Variants in CPAP observed in about 807,000 individuals in gnomAD.
The protein encoded by CPAP is centrosomal P4.1-associated protein.
the CPAP span, chr13:24,905,466 T>G: frequency 6.2e-7 from 1 of 1,614,180 alleles, no homozygotes; most frequent in Non-Finnish European, 8.5e-7. Context: ...GGAGGACTTC[T>G]GCTCCTCCTG....
chr13:24,898,191 C>T, the CPAP span, among the ~76,000 whole-genome samples: 2 of 152,182 alleles, frequency 1.3e-5, no homozygotes, highest in East Asian at 3.9e-4. Flanking sequence ...CCACCACCCC[C>T]AGCCAATAGT....
the CPAP span, among the ~76,000 whole-genome samples, chr13:24,922,437 C>T: frequency 6.7e-6 from 1 of 149,790 alleles, no homozygotes; most frequent in Non-Finnish European, 1.5e-5. Flanking sequence ...CGCTACTTCA[C>T]CACCCTGCTC....
the CPAP span, among the ~76,000 whole-genome samples, chr13:24,914,249 C>T: frequency 6.6e-6 from 1 of 152,090 alleles, no homozygotes. Context: ...AAGACCCAGC[C>T]ACCCAGCCTT....
the CPAP span, chr13:24,906,591 C>T: frequency 6.2e-7 from 1 of 1,614,136 alleles, no homozygotes; most frequent in Admixed American, 1.7e-5. Context: ...CTAAACTGCC[C>T]ATCACATTTC....
chr13:24,927,771 T>C, the CPAP span, among the ~76,000 whole-genome samples: 1 of 152,220 alleles, frequency 6.6e-6, no homozygotes, highest in East Asian at 1.9e-4. Context: ...ATCCATTATA[T>C]GGATGACATC....
the CPAP span, among the ~76,000 whole-genome samples, chr13:24,931,799 C>T: frequency 1.3e-5 from 2 of 152,202 alleles, no homozygotes; most frequent in Non-Finnish European, 2.9e-5. Flanking sequence ...CGAACTTTCC[C>T]GAAATTTTCT....
chr13:24,892,604 C>G, the CPAP span: 1 of 1,481,256 alleles, frequency 6.8e-7, no homozygotes, highest in Non-Finnish European at 9.4e-7. Context: ...TATTGAAGCT[C>G]CCCCTGGCCT....
chr13:24,895,928 CAAAAT>C, the CPAP span, among the ~76,000 whole-genome samples: 1 of 152,008 alleles, frequency 6.6e-6, no homozygotes, highest in African/African-American at 2.4e-5. Flanking sequence ...AATGAATACC[CAAAAT>C]AAAATAGTTA....
the CPAP span, chr13:24,903,999 C>T: frequency 6.2e-7 from 1 of 1,613,958 alleles, no homozygotes; most frequent in Non-Finnish European, 8.5e-7. Context: ...TTAAACTTTT[C>T]TATTTCTGTT....
At chr13:24,882,929 T>G in the CPAP span, 1 of 496,472 alleles carries the variant, frequency 2.0e-6, no homozygotes. Context: ...TGTAAAAACC[T>G]GTACACAATT....
the CPAP span, among the ~76,000 whole-genome samples, chr13:24,908,613 T>TACAAG: frequency 6.6e-6 from 1 of 151,428 alleles, no homozygotes; most frequent in South Asian, 2.1e-4. Context: ...TAAAATAAAA[T>TACAAG]AAAGACACTT....
the CPAP span, among the ~76,000 whole-genome samples, chr13:24,918,596 A>G: frequency 3.9e-5 from 6 of 152,118 alleles, no homozygotes; most frequent in African/African-American, 1.5e-4. Flanking sequence ...CTAGAGAAGA[A>G]AAGTTAAGAA....
At chr13:24,908,148 A>G in the CPAP span, 1 of 1,529,342 alleles carries the variant, frequency 6.5e-7, no homozygotes, top group South Asian at 1.1e-5. Flanking sequence ...ATTAAGAACA[A>G]TTTAGCTCAA....
At chr13:24,885,545 A>G in the CPAP span, 5 of 1,339,332 alleles carry the variant, frequency 3.7e-6, no homozygotes, top group Non-Finnish European at 5.4e-6. Flanking sequence ...AAGTCTATTA[A>G]CAAATTGATT....
At chr13:24,908,141 A>C in the CPAP span, 2 of 1,570,440 alleles carry the variant, frequency 1.3e-6, no homozygotes, top group Non-Finnish European at 1.8e-6. Flanking sequence ...GATAAAAATT[A>C]AGAACAATTT....
the CPAP span, among the ~76,000 whole-genome samples, chr13:24,883,687 G>C: frequency 4.6e-5 from 7 of 152,174 alleles, no homozygotes; most frequent in Non-Finnish European, 7.4e-5. Context: ...CTGAGTGTTT[G>C]TTTGCTCTGT....
the CPAP span, among the ~76,000 whole-genome samples, chr13:24,923,430 T>G: frequency 2.6e-5 from 4 of 152,124 alleles, 1 homozygote; most frequent in African/African-American, 9.7e-5. Context: ...ATCTTTCATC[T>G]CTCCTCAAAT....
At chr13:24,921,493 G>A in the CPAP span, among the ~76,000 whole-genome samples, 45 of 99,510 alleles carry the variant, frequency 4.5e-4, no homozygotes, top group Non-Finnish European at 8.6e-4. Context: ...GTTAATACAG[G>A]GGGTGGATAC....
chr13:24,905,863 G>C, the CPAP span: 1 of 1,614,134 alleles, frequency 6.2e-7, no homozygotes, highest in East Asian at 2.2e-5. Flanking sequence ...CTCTGCTGCT[G>C]ATGCCCCTCT....
Sources: allele counts gnomAD v4.1 joint callset (sites outside exome capture counted in the v4.1 genomes callset), GRCh38; gene constraint gnomAD v4.1.1; transcripts MANE v1.5; gene names NCBI Gene and HGNC (gene_info 2026-07-23, HGNC 2026-07-21).